The following STXBP5 variants were observed in gnomAD, a reference collection of about 807,000 sequenced individuals.
STXBP5 encodes syntaxin-binding protein 5.
A neutral mutation model predicts 152.4 loss-of-function variants in STXBP5; 50 were observed. That is an observed-to-expected ratio of 0.33 (90% CI 0.26 to 0.42). The LOEUF (loss-of-function observed/expected upper bound fraction) is 0.42. Among genes scored for constraint, STXBP5 ranks in the 10% least tolerant of loss-of-function variants. The pLI is 1.00. For missense variants in STXBP5, 1,167 were observed against 1,388.6 expected, an observed-to-expected ratio of 0.84 and a Z score of 2.54; for synonymous variants, 492 against 494.7, an observed-to-expected ratio of 0.99 and a Z score of 0.07.
chr6:147,270,424 A>C (rs1582870954), intron 7 of STXBP5, among the ~76,000 whole-genome samples: 1 of 151,480 alleles, frequency 6.6e-6, no homozygotes, highest in East Asian at 1.9e-4. Context: ...AAATTACAGC[A>C]AATTTTGTTT....
rs143315393 is a variant in STXBP5, at chr6:147,344,183, T to C, written c.2254+4799T>C. On this transcript the variant is annotated intron_variant, in intron 21 of 27. Coordinates refer to ENST00000321680, the MANE Select transcript of STXBP5 (RefSeq NM_001127715.4). ...TGAATGTATTTTCTGTCAAATTTCTTAATAAAATGTGCTGGAAAGTCTGTG... is the reference window on the plus strand; with the variant it reads ...TGAATGTATTTTCTGTCAAATTTCTCAATAAAATGTGCTGGAAAGTCTGTG... 1.9e-3 allele frequency among the ~76,000 whole-genome samples: 286 copies of C among 152,338 alleles called. 10 individuals are homozygous for C. In the East Asian group the frequency reaches 0.052, roughly 28 times the overall value.
At position 147,389,808 on chromosome 6, in the gene STXBP5, T is replaced by C. The variant is rs899775170; in HGVS notation, c.*5053T>C. The C allele has an allele frequency of 2.0e-5, 3 of 151,714 alleles. No homozygotes were observed. The highest frequency in any genetic ancestry group is 4.8e-5 in the African/African-American group (2 of 41,348). The allele number at this position is 151,714 out of a possible 1,614,324, so 9.4% of individuals were successfully genotyped here. A position where few individuals can be genotyped will look rare whatever the true frequency, so the allele number is the denominator to read the frequency against. Reference sequence around the variant, plus strand: ...GCAATGGAAAGCAATGCAAAGAGGGTAAATCTTGTTTTAATTTTTTTAACT... The same window carrying C: ...GCAATGGAAAGCAATGCAAAGAGGGCAAATCTTGTTTTAATTTTTTTAACT... On this transcript the variant is annotated 3_prime_UTR_variant, in exon 28 of 28. Coordinates refer to ENST00000321680, the MANE Select transcript of STXBP5 (RefSeq NM_001127715.4).
intron 4 of STXBP5, among the ~76,000 whole-genome samples, chr6:147,255,745 C>T (rs928597514): frequency 2.0e-5 from 3 of 152,160 alleles, no homozygotes; most frequent in African/African-American, 7.2e-5. Flanking sequence ...AACTCCTAAG[C>T]TCAAGTGATC....
chr6:147,296,633 GAA>G (rs1781540456), intron 9 of STXBP5, among the ~76,000 whole-genome samples: 1 of 152,072 alleles, frequency 6.6e-6, no homozygotes, highest in Admixed American at 6.6e-5. Flanking sequence ...AGAATCCAAA[GAA>G]GAGGAAATTT....
chr6:147,326,741 A>G (rs952625145), intron 17 of STXBP5, among the ~76,000 whole-genome samples: 11 of 152,180 alleles, frequency 7.2e-5, no homozygotes, highest in Non-Finnish European at 1.3e-4. Context: ...AACTTACCCC[A>G]AAGTATAATC....
At position 147,206,067 on chromosome 6, in the gene STXBP5, C is replaced by G; in HGVS notation, c.247C>G (p.Leu83Val). The change falls in exon 2 of 28, where the codon CTC (leucine) becomes GTC (valine). Residue 83 changes from leucine (L) to valine (V), a missense_variant and splice_region_variant. By Grantham distance (32) the Leu-to-Val change is conservative. Transcript: ENST00000321680. The stretch of plus-strand genomic sequence containing the variant: ...GGGAACTCAGACTGGTGCTTTAAGG[C>G]TGTATCCTTTCTTTAATTTTATTTT... ...AVGTQTGALR[L>V]FGRPGVECYC... is the part of the protein sequence containing the mutation. 6.2e-7 allele frequency: 1 copy of G among 1,611,730 alleles called. No individual in the cohort carries two copies. The highest frequency in any genetic ancestry group is 8.5e-7 in the Non-Finnish European group (1 of 1,177,922).
intron 3 of STXBP5, among the ~76,000 whole-genome samples, chr6:147,237,120 A>G (rs1403899349): frequency 2.0e-5 from 3 of 152,128 alleles, no homozygotes; most frequent in African/African-American, 4.8e-5. Context: ...TTTTAAATCA[A>G]CATTTGAGCC....
At chr6:147,383,313 A>C (rs1786183856) in intron 27 of STXBP5, among the ~76,000 whole-genome samples, 1 of 152,158 alleles carries the variant, frequency 6.6e-6, no homozygotes, top group Non-Finnish European at 1.5e-5. Flanking sequence ...TTAATGCCTC[A>C]GAGTCTACTA....
At chr6:147,307,173 A>G (rs1782136310) in intron 9 of STXBP5, among the ~76,000 whole-genome samples, 1 of 152,184 alleles carries the variant, frequency 6.6e-6, no homozygotes, top group Non-Finnish European at 1.5e-5. Context: ...TACTCCATCA[A>G]GTGTCTAGTT....
At chr6:147,249,346 T>C (rs537221434) in intron 4 of STXBP5, among the ~76,000 whole-genome samples, 4 of 152,134 alleles carry the variant, frequency 2.6e-5, no homozygotes, top group Non-Finnish European at 5.9e-5. Context: ...ACTTTGGAAC[T>C]TCGCAGTGAG....
intron 4 of STXBP5, among the ~76,000 whole-genome samples, chr6:147,250,537 G>A (rs926319109): frequency 1.3e-5 from 2 of 152,086 alleles, no homozygotes; most frequent in Admixed American, 6.6e-5. Context: ...TTTTATATGA[G>A]GGACTTGAAT....
At chr6:147,276,951 A>G (rs1451323507) in intron 7 of STXBP5, among the ~76,000 whole-genome samples, 2 of 152,124 alleles carry the variant, frequency 1.3e-5, no homozygotes, top group East Asian at 1.9e-4. Flanking sequence ...GACAAATTGC[A>G]TATTGAACCA....
intron 4 of STXBP5, among the ~76,000 whole-genome samples, chr6:147,243,954 A>G (rs921648866): frequency 6.6e-6 from 1 of 152,136 alleles, no homozygotes; most frequent in African/African-American, 2.4e-5. Context: ...TTTAAGATAG[A>G]TCAATTAATC....
intron 26 of STXBP5, among the ~76,000 whole-genome samples, chr6:147,378,630 G>A (rs371230272): frequency 1.3e-5 from 2 of 151,872 alleles, no homozygotes. Flanking sequence ...ACTATAATAC[G>A]AAACAGAAAA....
At chr6:147,338,773 G>A (rs1284559656) in intron 19 of STXBP5, among the ~76,000 whole-genome samples, 1 of 78,244 alleles carries the variant, frequency 1.3e-5, no homozygotes, top group East Asian at 4.0e-4. Context: ...AAAATAACAA[G>A]TTTTACCAGC....
In STXBP5 at chr6:147,311,436, A is replaced by T; in HGVS notation, c.1073-19A>T. On this transcript the variant is annotated intron_variant, in intron 10 of 27. Coordinates refer to ENST00000321680, the MANE Select transcript of STXBP5 (RefSeq NM_001127715.4). ...ACTTGCATTTTTGAAACTATAATTCATGCATTGTCCAATTCCAGATTTTCA... is the reference window on the plus strand; with the variant it reads ...ACTTGCATTTTTGAAACTATAATTCTTGCATTGTCCAATTCCAGATTTTCA... 5 of 1,605,062 alleles carry T rather than the reference A, an allele frequency of 3.1e-6. No individual in the cohort carries two copies. Among genetic ancestry groups the T allele is most frequent in the Non-Finnish European group, 2.6e-6 (3 of 1,175,222 alleles).
rs147735748 is a variant in STXBP5, at chr6:147,293,809, A to G, written c.917+2637A>G. The stretch of plus-strand genomic sequence containing the variant: ...CTACAACCCATACATATCGTTAGTA[A>G]TGAAATTGTTTATTGAATATATGTC... On this transcript the variant is annotated intron_variant, in intron 9 of 27. Transcript: ENST00000321680. Among the ~76,000 whole-genome samples, 930 of 152,310 alleles carry G rather than the reference A, an allele frequency of 6.1e-3. 12 individuals are homozygous for G. Among genetic ancestry groups the G allele is most frequent in the African/African-American group, 0.022 (901 of 41,574 alleles).
chr6:147,273,857 C>T (rs1180614018), intron 7 of STXBP5, among the ~76,000 whole-genome samples: 1 of 150,560 alleles, frequency 6.6e-6, no homozygotes, highest in African/African-American at 2.4e-5. Context: ...GAGGCTGAGG[C>T]AGAAGAATGG....
intron 14 of STXBP5, 91 bp downstream of exon 14, chr6:147,314,727 T>C: frequency 1.1e-6 from 1 of 936,218 alleles, no homozygotes. Context: ...AACCAATATT[T>C]AATTTGAAAT....
Sources: gnomAD v4.1 joint callset for allele counts (sites outside exome capture counted in the v4.1 genomes callset) on GRCh38, gnomAD v4.1.1 for gene constraint, MANE v1.5 for transcripts, NCBI Gene and HGNC (gene_info 2026-07-23, HGNC 2026-07-21) for gene names.